Variants in NDUFAF7 observed in about 807,000 individuals in gnomAD.
The protein encoded by NDUFAF7 is protein arginine methyltransferase NDUFAF7, mitochondrial.
Under a neutral mutation model 47.2 loss-of-function variants are expected in NDUFAF7, and 48 were observed. The ratio of observed to expected loss-of-function variants is 1.02; its 90% CI spans 0.81 to 1.29. The LOEUF is 1.29. Ranked by LOEUF, NDUFAF7 falls within the 50% of genes most tolerant of loss-of-function variation. NDUFAF7 has a pLI of 0.00. For synonymous variants in NDUFAF7, 217 were observed against 190.0 expected, an observed-to-expected ratio of 1.14 and a Z score of -1.17; for missense variants, 635 against 537.6, an observed-to-expected ratio of 1.18 and a Z score of -1.79.
the NDUFAF7 span, among the ~76,000 whole-genome samples, chr2:37,265,502 C>T: frequency 6.6e-6 from 1 of 152,000 alleles, no homozygotes; most frequent in South Asian, 2.1e-4. Flanking sequence ...CACACACACA[C>T]ACACAAACAC....
chr2:37,259,481 TA>T, the NDUFAF7 span: 13 of 696,732 alleles, frequency 1.9e-5, no homozygotes, highest in African/African-American at 2.4e-4. Flanking sequence ...TGTAAGGTGG[TA>T]TGCATTTTTA....
Position 37,236,084 on chromosome 2 carries a change from C to G in NDUFAF7, c.217-12C>G. 6.2e-7 allele frequency: 1 copy of G among 1,603,932 alleles called. No individual in the cohort carries two copies. Among genetic ancestry groups the G allele is most frequent in the South Asian group, 1.1e-5 (1 of 90,864 alleles). On this transcript the variant is annotated splice_polypyrimidine_tract_variant and intron_variant, in intron 2 of 9. Transcript: ENST00000002125. ...AATTAATTTTGTTTCTCTATTTTCTCTTTTTACTCAGGGTTATTATGTGTA... is the reference window on the plus strand; with the variant it reads ...AATTAATTTTGTTTCTCTATTTTCTGTTTTTACTCAGGGTTATTATGTGTA...
At chr2:37,241,955 GAA>G (rs1666396963) in intron 5 of NDUFAF7, 164 bp downstream of exon 5, 1 of 627,546 alleles carries the variant, frequency 1.6e-6, no homozygotes, top group Non-Finnish European at 2.7e-6. Flanking sequence ...CATCTTAATA[GAA>G]AATAAAGTTG....
At chr2:37,255,993 G>GCCCC (rs1667904577), downstream of NDUFAF7, among the ~76,000 whole-genome samples, 5 of 152,306 alleles carry the variant, frequency 3.3e-5, no homozygotes, top group African/African-American at 1.2e-4. Flanking sequence ...CTGGGTGACA[G>GCCCC]AGGGAGACCC....
intron 2 of NDUFAF7, 69 bp downstream of exon 2, chr2:37,232,335 A>G (rs1665249681): frequency 6.3e-7 from 1 of 1,593,472 alleles, no homozygotes; most frequent in African/African-American, 1.3e-5. Flanking sequence ...CAGGAGGGAG[A>G]AGCCCGAAGG....
At chr2:37,264,797 T>C in the NDUFAF7 span, among the ~76,000 whole-genome samples, 2 of 152,190 alleles carry the variant, frequency 1.3e-5, no homozygotes, top group African/African-American at 2.4e-5. Flanking sequence ...GGGATCTTTT[T>C]CAAGTGATTT....
chr2:37,258,231 T>A (rs141187683), downstream of NDUFAF7, among the ~76,000 whole-genome samples: 725 of 152,352 alleles, frequency 4.8e-3, 3 homozygotes, highest in Non-Finnish European at 8.6e-3. Context: ...TGCTGCTATT[T>A]CTGGGATGGT....
At chr2:37,262,285 G>T in the NDUFAF7 span, among the ~76,000 whole-genome samples, 1 of 151,888 alleles carries the variant, frequency 6.6e-6, no homozygotes, top group Non-Finnish European at 1.5e-5. Context: ...TCTCTCTTTG[G>T]GACTACTGCA....
At chr2:37,267,956 T>C in the NDUFAF7 span, 1 of 192,670 alleles carries the variant, frequency 5.2e-6, no homozygotes, top group East Asian at 1.6e-4. Flanking sequence ...TGTCTCTATA[T>C]TCTAGAATCT....
At chr2:37,254,196 T>TG (rs763849315), downstream of NDUFAF7, 3 of 1,597,904 alleles carry the variant, frequency 1.9e-6, no homozygotes, top group Admixed American at 3.3e-5. Flanking sequence ...GATTACATTT[T>TG]TTTTTACCTG....
At chr2:37,263,257 C>T in the NDUFAF7 span, among the ~76,000 whole-genome samples, 8 of 152,196 alleles carry the variant, frequency 5.3e-5, no homozygotes, top group Non-Finnish European at 8.8e-5. Flanking sequence ...ATTTTGATTT[C>T]GCTCTTTGAT....
the NDUFAF7 span, among the ~76,000 whole-genome samples, chr2:37,262,425 G>C: frequency 2.6e-5 from 4 of 152,112 alleles, no homozygotes; most frequent in Non-Finnish European, 5.9e-5. Flanking sequence ...AAAATGTTTA[G>C]AAAGTGAAAT....
intron 1 of NDUFAF7, 75 bp downstream of exon 1, chr2:37,231,835 G>A: frequency 1.9e-6 from 3 of 1,603,612 alleles, no homozygotes; most frequent in Non-Finnish European, 2.6e-6. Flanking sequence ...TTCAGTTGAG[G>A]GTACCGGGGG....
At chr2:37,266,536 G>A in the NDUFAF7 span, among the ~76,000 whole-genome samples, 2 of 151,906 alleles carry the variant, frequency 1.3e-5, no homozygotes, top group East Asian at 3.9e-4. Flanking sequence ...GCCCAGGCTG[G>A]AGTGCAATGG....
chr2:37,254,906 A>G (rs532581457), downstream of NDUFAF7, among the ~76,000 whole-genome samples: 2 of 152,340 alleles, frequency 1.3e-5, no homozygotes, highest in South Asian at 2.1e-4. Flanking sequence ...CTTGGTATAT[A>G]TATTTTATTC....
At chr2:37,237,655 G>T in intron 3 of NDUFAF7, 102 bp from the exon 4 acceptor site, 1 of 819,484 alleles carries the variant, frequency 1.2e-6, no homozygotes, top group Non-Finnish European at 2.0e-6. Flanking sequence ...TACACATTTT[G>T]CTTTTTGGCA....
intron 2 of NDUFAF7, among the ~76,000 whole-genome samples, chr2:37,233,900 G>A (rs1267506390): frequency 6.6e-6 from 1 of 152,122 alleles, no homozygotes; most frequent in Non-Finnish European, 1.5e-5. Flanking sequence ...CTGAAATTTA[G>A]CATTTCTTCA....
chr2:37,269,575 A>G, the NDUFAF7 span: 1 of 1,547,462 alleles, frequency 6.5e-7, no homozygotes. Flanking sequence ...CCAGTTTTTA[A>G]AATAATGTGT....
chr2:37,249,231 T>C (rs1453699658), downstream of NDUFAF7: 1 of 152,222 alleles, frequency 6.6e-6, no homozygotes, highest in Non-Finnish European at 1.5e-5. Context: ...ATGCACAATT[T>C]TCCCAATTTG....
Sources: gnomAD v4.1 joint callset for allele counts (sites outside exome capture counted in the v4.1 genomes callset) on GRCh38, gnomAD v4.1.1 for gene constraint, MANE v1.5 for transcripts, NCBI Gene and HGNC (gene_info 2026-07-23, HGNC 2026-07-21) for gene names.